MITF: variants seen among roughly 807,000 people sequenced by gnomAD.
The protein encoded by MITF is microphthalmia-associated transcription factor.
A neutral mutation model predicts 60.5 loss-of-function variants in MITF; 17 were observed. The ratio of observed to expected loss-of-function variants is 0.28; its 90% CI spans 0.19 to 0.42. The LOEUF is 0.42. MITF is among the 10% of genes least tolerant of loss of function. The pLI, the probability that MITF is intolerant of heterozygous loss-of-function variation, is 1.00. For synonymous variants in MITF, 260 were observed against 248.5 expected, an observed-to-expected ratio of 1.05 and a Z score of -0.43; for missense variants, 622 against 683.5, an observed-to-expected ratio of 0.91 and a Z score of 1.00.
intron 5 of MITF, among the ~76,000 whole-genome samples, chr3:69,946,950 A>G (rs1459765605): frequency 2.0e-5 from 3 of 152,102 alleles, no homozygotes; most frequent in African/African-American, 4.8e-5. Flanking sequence ...TGTCTATGGC[A>G]GAAAGCATTC....
chr3:69,813,830 T>C (rs1010275841), intron 1 of MITF, among the ~76,000 whole-genome samples: 1 of 152,154 alleles, frequency 6.6e-6, no homozygotes, highest in Non-Finnish European at 1.5e-5. Context: ...TTAGATAAAA[T>C]TGTGAAATGG....
At chr3:69,843,244 G>A (rs1321360364) in intron 1 of MITF, among the ~76,000 whole-genome samples, 1 of 100,274 alleles carries the variant, frequency 1.0e-5, no homozygotes, top group Non-Finnish European at 2.0e-5. Context: ...GGGAAGAAGG[G>A]TATGTTGTTT....
At chr3:69,814,678 G>T (rs1448668641) in intron 1 of MITF, among the ~76,000 whole-genome samples, 1 of 152,044 alleles carries the variant, frequency 6.6e-6, no homozygotes, top group African/African-American at 2.4e-5. Context: ...GTGTGTCTGT[G>T]TGTGTAGTCT....
chr3:69,885,921 C>T (rs530221649), intron 2 of MITF, among the ~76,000 whole-genome samples: 4 of 152,068 alleles, frequency 2.6e-5, no homozygotes, highest in Non-Finnish European at 4.4e-5. Flanking sequence ...TTGAACTTTA[C>T]CTGTATTGAC....
At chr3:69,849,025 C>T (rs1253851366) in intron 1 of MITF, among the ~76,000 whole-genome samples, 5 of 124,814 alleles carry the variant, frequency 4.0e-5, no homozygotes, top group Non-Finnish European at 4.7e-5. Flanking sequence ...AGTGCAGTGG[C>T]GGGATCTCGG....
chr3:69,751,363 A>T (rs1703927678), intron 1 of MITF, among the ~76,000 whole-genome samples: 4 of 152,138 alleles, frequency 2.6e-5, no homozygotes. Context: ...GTCCTGACAT[A>T]ATGGAATCGT....
At chr3:69,861,162 C>G (rs2064009803) in intron 1 of MITF, among the ~76,000 whole-genome samples, 1 of 152,190 alleles carries the variant, frequency 6.6e-6, no homozygotes, top group African/African-American at 2.4e-5. Context: ...CCATTTATGA[C>G]TATTGACTTT....
intron 2 of MITF, chr3:69,936,560 A>T (rs2065839778): frequency 4.1e-6 from 6 of 1,466,072 alleles, no homozygotes; most frequent in Non-Finnish European, 5.4e-6. Context: ...AGCTTAGGTT[A>T]TTATAAGCAG....
chr3:69,926,326 C>T (rs532963457), intron 2 of MITF, among the ~76,000 whole-genome samples: 2 of 152,310 alleles, frequency 1.3e-5, no homozygotes, highest in East Asian at 3.9e-4. Context: ...TGCTTTTTGA[C>T]AGTTTTTAGC....
chr3:69,962,643 C>T (rs1035076464), intron 9 of MITF, among the ~76,000 whole-genome samples: 6 of 152,048 alleles, frequency 3.9e-5, no homozygotes, highest in Non-Finnish European at 7.3e-5. Context: ...GTTTCACAAC[C>T]GTGGAAGGGA....
intron 1 of MITF, among the ~76,000 whole-genome samples, chr3:69,806,190 T>A (rs2063003887): frequency 6.6e-6 from 1 of 151,958 alleles, no homozygotes; most frequent in Non-Finnish European, 1.5e-5. Flanking sequence ...GTTCAAGTGA[T>A]TCTCCTGCCT....
chr3:69,776,572 G>A (rs1251772311), intron 1 of MITF, among the ~76,000 whole-genome samples: 1 of 152,192 alleles, frequency 6.6e-6, no homozygotes, highest in African/African-American at 2.4e-5. Flanking sequence ...GTGGTTCATG[G>A]TAAGTGCTAT....
intron 1 of MITF, among the ~76,000 whole-genome samples, chr3:69,813,233 T>G (rs886214894): frequency 1.3e-5 from 2 of 152,190 alleles, no homozygotes; most frequent in African/African-American, 4.8e-5. Flanking sequence ...GTTAGGTAGC[T>G]AAGGGAAGAT....
intron 1 of MITF, among the ~76,000 whole-genome samples, chr3:69,788,478 A>G (rs1163217046): frequency 2.0e-5 from 3 of 151,938 alleles, no homozygotes; most frequent in Non-Finnish European, 4.4e-5. Context: ...TAAGTTTAAA[A>G]TTTCTGGAAA....
intron 1 of MITF, among the ~76,000 whole-genome samples, chr3:69,856,438 T>G (rs1575826433): frequency 6.6e-6 from 1 of 152,310 alleles, no homozygotes; most frequent in East Asian, 1.9e-4. Flanking sequence ...ACCTGTATTG[T>G]GAACAAAGGG....
chr3:69,791,616 T>A (rs2062741617), intron 1 of MITF, among the ~76,000 whole-genome samples: 1 of 152,174 alleles, frequency 6.6e-6, no homozygotes, highest in African/African-American at 2.4e-5. Flanking sequence ...ATAAAAACCT[T>A]GGGTATTTGA....
chr3:69,871,578 G>C (rs1255832591), intron 1 of MITF, among the ~76,000 whole-genome samples: 1 of 152,190 alleles, frequency 6.6e-6, no homozygotes. Flanking sequence ...CCCATTCACT[G>C]CTCCTTAGAT....
intron 1 of MITF, among the ~76,000 whole-genome samples, chr3:69,755,276 CCTAA>C (rs1704094509): frequency 6.6e-6 from 1 of 152,116 alleles, no homozygotes; most frequent in African/African-American, 2.4e-5. Context: ...ATCTCGAATT[CCTAA>C]CTGTCATGTT....
At chr3:69,814,896 T>C (rs2063156871) in intron 1 of MITF, among the ~76,000 whole-genome samples, 1 of 152,140 alleles carries the variant, frequency 6.6e-6, no homozygotes, top group South Asian at 2.1e-4. Flanking sequence ...GGAGATCATA[T>C]AGTGTCTGTG....
Sources: gnomAD v4.1 joint callset for allele counts (sites outside exome capture counted in the v4.1 genomes callset) on GRCh38, gnomAD v4.1.1 for gene constraint, MANE v1.5 for transcripts, NCBI Gene and HGNC (gene_info 2026-07-23, HGNC 2026-07-21) for gene names.